Variants in USP39 observed in about 807,000 individuals in gnomAD.
The protein encoded by USP39 is ubiquitin specific peptidase 39, also known as ubiquitin carboxyl-terminal hydrolase 39.
In USP39, 38 loss-of-function variants were observed where a neutral mutation model predicts 66.4. The ratio of observed to expected loss-of-function variants is 0.57; its 90% CI spans 0.44 to 0.75. The LOEUF (loss-of-function observed/expected upper bound fraction) is 0.75, where lower values mean the gene tolerates loss of function less well. USP39 is among the 30% of genes least tolerant of loss of function. The probability of loss-of-function intolerance (pLI) is 0.00; values close to 1 mark genes in which losing one functional copy is unlikely to be tolerated. For missense variants in USP39, 608 were observed against 714.4 expected (o/e 0.85, Z 1.70); for synonymous variants, 303 against 274.6 (o/e 1.10, Z -1.02).
At chr2:85,648,587 A>G (rs915643218) in intron 12 of USP39, among the ~76,000 whole-genome samples, 174 bp from the exon 13 acceptor site, 1 of 152,240 alleles carries the variant, frequency 6.6e-6, no homozygotes, top group Admixed American at 6.5e-5. Context: ...CCTTCTAGAG[A>G]TAACTTTTTT....
At chr2:85,621,392 T>C in intron 2 of USP39, 93 bp from the exon 3 acceptor site, 1 of 1,013,798 alleles carries the variant, frequency 9.9e-7, no homozygotes, top group Non-Finnish European at 1.5e-6. Flanking sequence ...AAGGATGTTA[T>C]GTGGTATCAT....
Position 85,632,264 on chromosome 2 carries a change from T to TA in USP39, c.949+1319dup, listed in dbSNP as rs777322040. 7.0e-4 allele frequency among the ~76,000 whole-genome samples: 106 copies of TA among 151,972 alleles called. 2 individuals are homozygous for TA. Among genetic ancestry groups the TA allele is most frequent in the Non-Finnish European group, 1.5e-4 (10 of 67,998 alleles). ...ACTCCCAGTCTGGTGGGGAAATAGT[T>TA]ATGTAGAAAGGTTGAGTGTGCTGGC... On this transcript the variant is annotated intron_variant, in intron 6 of 12. Coordinates refer to ENST00000323701, the MANE Select transcript of USP39 (RefSeq NM_006590.4).
chr2:85,612,238 C>A, upstream of USP39: 1 of 1,324,970 alleles, frequency 7.5e-7, no homozygotes, highest in Non-Finnish European at 1.0e-6. Context: ...TTTGTTTTTT[C>A]GTAACATATC....
intron 7 of USP39, 44 bp downstream of exon 7, chr2:85,636,174 A>G: frequency 6.3e-7 from 1 of 1,598,648 alleles, no homozygotes; most frequent in Non-Finnish European, 8.6e-7. Context: ...GTTCCCTTTT[A>G]AAAAACTTTG....
At chr2:85,645,496 C>T (rs936537175) in intron 11 of USP39, among the ~76,000 whole-genome samples, 12 of 152,016 alleles carry the variant, frequency 7.9e-5, no homozygotes, top group Admixed American at 6.6e-4. Context: ...CTTGGCCAGG[C>T]CAGTCTTGAA....
chr2:85,611,680 G>A (rs373504010), upstream of USP39: 6 of 1,567,240 alleles, frequency 3.8e-6, no homozygotes, highest in Non-Finnish European at 5.2e-6. Context: ...CGGTGTCGCG[G>A]CAGGTACACC....
chr2:85,640,692 C>T (rs530446550), intron 9 of USP39, among the ~76,000 whole-genome samples: 12 of 147,940 alleles, frequency 8.1e-5, no homozygotes, highest in African/African-American at 2.5e-4. Context: ...AGGCTGGTCT[C>T]GAACTCCTGT....
At chr2:85,609,058 G>A (rs1459343349), upstream of USP39, 3 of 1,614,164 alleles carry the variant, frequency 1.9e-6, no homozygotes, top group East Asian at 2.2e-5. Context: ...ACCTTTCCTG[G>A]GTCATCACCC....
intron 10 of USP39, 152 bp downstream of exon 10, chr2:85,641,270 A>G (rs1676215502): frequency 2.2e-6 from 2 of 914,876 alleles, no homozygotes; most frequent in Non-Finnish European, 3.2e-6. Context: ...TTGGAAGGAT[A>G]CACTTATTTC....
chr2:85,636,004 C>T, intron 6 of USP39, 49 bp from the exon 7 acceptor site: 1 of 1,537,568 alleles, frequency 6.5e-7, no homozygotes, highest in Middle Eastern at 1.7e-4. Flanking sequence ...TTTAAGTTAA[C>T]TCTAATGCCA....
At chr2:85,638,318 G>A (rs1261584520) in intron 8 of USP39, among the ~76,000 whole-genome samples, 1 of 151,610 alleles carries the variant, frequency 6.6e-6, no homozygotes, top group African/African-American at 2.4e-5. Context: ...CACCGTGCTC[G>A]GCCCACTTTC....
chr2:85,612,162 G>C, upstream of USP39: 1 of 878,602 alleles, frequency 1.1e-6, no homozygotes, highest in Non-Finnish European at 1.7e-6. Context: ...TGGTCGGGTC[G>C]GGTGGAGTAG....
chr2:85,617,565 G>C (rs1020429790), intron 1 of USP39, among the ~76,000 whole-genome samples: 1 of 152,174 alleles, frequency 6.6e-6, no homozygotes, highest in Non-Finnish European at 1.5e-5. Flanking sequence ...GCAGGGTGTG[G>C]TGGCTCACAC....
At chr2:85,645,979 C>T (rs1676612517) in intron 11 of USP39, 1 of 152,164 alleles carries the variant, frequency 6.6e-6, no homozygotes, top group African/African-American at 2.4e-5. Context: ...AGGTTGAGAA[C>T]CTCTGCCCTA....
chr2:85,644,303 G>A (rs1008750273), intron 10 of USP39, among the ~76,000 whole-genome samples: 1 of 151,936 alleles, frequency 6.6e-6, no homozygotes, highest in Non-Finnish European at 1.5e-5. Context: ...ATTTTACCTT[G>A]TATTGTGTAA....
intron 5 of USP39, 40 bp from the exon 6 acceptor site, chr2:85,630,681 A>G (rs1406883021): frequency 6.3e-7 from 1 of 1,595,450 alleles, no homozygotes; most frequent in Non-Finnish European, 8.6e-7. Context: ...AAGGGGTCCT[A>G]CAAAGGGGCT....
At chr2:85,622,212 C>T (rs904700565) in intron 3 of USP39, among the ~76,000 whole-genome samples, 6 of 151,782 alleles carry the variant, frequency 4.0e-5, no homozygotes, top group African/African-American at 1.5e-4. Context: ...CCTCTTGACT[C>T]CCAGGTTCAA....
Position 85,616,248 on chromosome 2 carries a change from A to T in USP39, c.53A>T (p.Glu18Val). The T allele has an allele frequency of 6.6e-7, 1 of 1,504,100 alleles. No homozygotes were observed. The allele number at this position is 1,504,100 out of a possible 1,614,324, so 93.2% of individuals were successfully genotyped here. Residue 18 changes from glutamate to valine, a missense_variant, in exon 1 of 13, where the codon GAG (glutamate) becomes GTG (valine). Physicochemically the swap from Glu to Val is moderately radical, Grantham distance 121 (BLOSUM62 -2). Coordinates refer to ENST00000323701, the MANE Select transcript of USP39 (RefSeq NM_006590.4). The part of the protein sequence containing the change: ...ESRGSTRGKR[E>V]SESRGSSGRV... Reference sequence around the variant, plus strand: ...CGCGGTTCCACTCGCGGGAAGCGAGAGTCTGAGTCGCGGGGCAGCTCCGGT... The same window carrying T: ...CGCGGTTCCACTCGCGGGAAGCGAGTGTCTGAGTCGCGGGGCAGCTCCGGT...
intron 5 of USP39, 129 bp from the exon 6 acceptor site, chr2:85,630,592 T>C: frequency 1.3e-6 from 1 of 789,456 alleles, no homozygotes; most frequent in Non-Finnish European, 2.1e-6. Context: ...CAAGGGTCCA[T>C]TTACTTTTGG....
Sources: gnomAD v4.1 joint callset for allele counts (sites outside exome capture counted in the v4.1 genomes callset) on GRCh38, gnomAD v4.1.1 for gene constraint, MANE v1.5 for transcripts, NCBI Gene and HGNC (gene_info 2026-07-23, HGNC 2026-07-21) for gene names.